The following SPATA1 variants were observed in gnomAD, a reference collection of about 807,000 sequenced individuals.
The protein encoded by SPATA1 is spermatogenesis associated 1, also known as spermatogenesis-associated protein 1.
Under a neutral mutation model 59.6 loss-of-function variants are expected in SPATA1, and 57 were observed. The observed-to-expected ratio is 0.96, with a 90% confidence interval of 0.77 to 1.19. The LOEUF (loss-of-function observed/expected upper bound fraction) is 1.19, where lower values mean the gene tolerates loss of function less well. SPATA1 is among the 50% of genes most tolerant of loss of function. SPATA1 has a pLI of 0.00. For missense variants in SPATA1, 448 were observed against 480.7 expected (o/e 0.93, Z 0.64); for synonymous variants, 147 against 163.9 (o/e 0.90, Z 0.79).
exon 13 of SPATA1, chr1:84,553,255 G>A: frequency 9.5e-6 from 5 of 525,506 alleles, no homozygotes; most frequent in South Asian, 3.2e-5. Flanking sequence ...TTTCCATGTG[G>A]GTATTACAAA....
intron 4 of SPATA1, among the ~76,000 whole-genome samples, chr1:84,565,224 CA>C (rs1216222410): frequency 6.7e-6 from 1 of 150,358 alleles, no homozygotes; most frequent in Non-Finnish European, 1.5e-5. Context: ...AAAAAAAAAA[CA>C]AAAGAACAAG....
chr1:84,530,643 C>A (rs1246931454), intron 6 of SPATA1, among the ~76,000 whole-genome samples: 1 of 152,176 alleles, frequency 6.6e-6, no homozygotes, highest in Non-Finnish European at 1.5e-5. Flanking sequence ...CAAGAAACTT[C>A]TCAGGATTGG....
At position 84,522,401 on chromosome 1, in the gene SPATA1, AACTT is replaced by A. The variant is rs754804703; in HGVS notation, c.160_163del (p.Thr54TyrfsTer4). The A allele has an allele frequency of 8.7e-6, 13 of 1,492,496 alleles. No homozygotes were observed. The highest frequency in any genetic ancestry group is 1.4e-5 in the South Asian group (1 of 70,584). The allele number at this position is 1,492,496 out of a possible 1,614,324, so 92.5% of individuals were successfully genotyped here. A position where few individuals can be genotyped will look rare whatever the true frequency, so the allele number is the denominator to read the frequency against. On this transcript the variant is annotated frameshift_variant, in exon 4 of 13. Transcript: ENST00000490879. LOFTEE classifies it high-confidence loss of function. Reference sequence around the variant, plus strand: ...TTATAATATTTCAGAGTATCTCCTCAACTTACTTTACGAGCCCTGAGGGAGCGTC... The same window carrying A: ...TTATAATATTTCAGAGTATCTCCTCAACTTTACGAGCCCTGAGGGAGCGTC...
intron 8 of SPATA1, among the ~76,000 whole-genome samples, chr1:84,534,244 T>C (rs1330734080): frequency 6.6e-6 from 1 of 152,068 alleles, no homozygotes; most frequent in East Asian, 1.9e-4. Flanking sequence ...ACTATTCACA[T>C]TACCAGTTTA....
At chr1:84,513,584 C>CAA (rs1162674204) in intron 1 of SPATA1, among the ~76,000 whole-genome samples, 1 of 152,208 alleles carries the variant, frequency 6.6e-6, no homozygotes, top group African/African-American at 2.4e-5. Flanking sequence ...CAGAAACTGT[C>CAA]ACGCTAATAG....
intron 6 of SPATA1, among the ~76,000 whole-genome samples, chr1:84,530,223 AG>A (rs1200473283): frequency 1.3e-5 from 2 of 152,164 alleles, no homozygotes; most frequent in African/African-American, 2.4e-5. Flanking sequence ...CTTCAAATCC[AG>A]GGCTACAGTG....
intron 4 of SPATA1, chr1:84,563,699 GATA>G: frequency 8.0e-7 from 1 of 1,253,774 alleles, no homozygotes; most frequent in East Asian, 2.5e-5. Flanking sequence ...AAATATAATA[GATA>G]ATAAAAATTA....
At chr1:84,536,403 C>T (rs1683681776) in intron 8 of SPATA1, among the ~76,000 whole-genome samples, 1 of 152,088 alleles carries the variant, frequency 6.6e-6, no homozygotes, top group South Asian at 2.1e-4. Flanking sequence ...GCAAGAAATC[C>T]GAAGACTTGG....
chr1:84,554,232 G>A (rs1188244974), exon 13 of SPATA1: 2 of 149,224 alleles, frequency 1.3e-5, no homozygotes, highest in Admixed American at 1.3e-4. Context: ...ATAATTAGAA[G>A]TGTGACAGTG....
intron 4 of SPATA1, among the ~76,000 whole-genome samples, chr1:84,561,406 C>T (rs1007655886): frequency 4.6e-5 from 7 of 152,106 alleles, no homozygotes; most frequent in African/African-American, 7.2e-5. Context: ...CTTATGAATA[C>T]GCAAAGAAAG....
chr1:84,555,434 T>TA (rs746041000), downstream of SPATA1, among the ~76,000 whole-genome samples: 16 of 152,224 alleles, frequency 1.1e-4, no homozygotes, highest in Non-Finnish European at 1.6e-4. Context: ...TGGTTCAACT[T>TA]ACAATTTTTA....
chr1:84,528,581 C>T (rs1423938745), intron 6 of SPATA1, among the ~76,000 whole-genome samples: 15 of 152,156 alleles, frequency 9.9e-5, no homozygotes, highest in Admixed American at 9.8e-4. Flanking sequence ...TATACTCACA[C>T]AATTTATTTA....
downstream of SPATA1, among the ~76,000 whole-genome samples, chr1:84,566,946 A>G (rs1684712208): frequency 1.3e-5 from 2 of 152,202 alleles, no homozygotes; most frequent in South Asian, 4.1e-4. Flanking sequence ...TTCATTTTGA[A>G]TAGTGAGCCA....
chr1:84,545,607 G>T, intron 9 of SPATA1, 27 bp from the exon 10 acceptor site: 1 of 1,486,716 alleles, frequency 6.7e-7, no homozygotes, highest in Non-Finnish European at 8.9e-7. Flanking sequence ...TTGAGACATT[G>T]ATGAATATGA....
rs978875564 is a variant in SPATA1, at chr1:84,544,397, A to G, written c.820+93A>G. 5 of 950,914 alleles carry G rather than the reference A, an allele frequency of 5.3e-6. No homozygotes were observed. In the African/African-American group the frequency reaches 8.2e-5, roughly 16 times the overall value. The allele number at this position is 950,914 out of a possible 1,614,324, so 58.9% of individuals were successfully genotyped here. A position where few individuals can be genotyped will look rare whatever the true frequency, so the allele number is the denominator to read the frequency against. ...TACTGTTTAATGGGTATAGAGTTTC[A>G]GTTTGAGAAGATAAATAAGTTCTGG... is the stretch of plus-strand genomic sequence containing the variant. On this transcript the variant is annotated intron_variant, in intron 9 of 12. Transcript: ENST00000490879.
At chr1:84,508,139 C>T (rs1400379954) in intron 1 of SPATA1, among the ~76,000 whole-genome samples, 1 of 151,962 alleles carries the variant, frequency 6.6e-6, no homozygotes. Context: ...ATTAGCTGGG[C>T]GTGGTGGTGC....
intron 8 of SPATA1, among the ~76,000 whole-genome samples, chr1:84,538,542 C>T (rs1683793824): frequency 6.6e-6 from 1 of 152,156 alleles, no homozygotes; most frequent in African/African-American, 2.4e-5. Context: ...AGAGAAATTT[C>T]AGGGAGCTCC....
chr1:84,564,280 A>C (rs76372694), intron 4 of SPATA1, among the ~76,000 whole-genome samples: 8,222 of 152,270 alleles, frequency 0.054, 310 homozygotes, highest in Non-Finnish European at 0.077. Flanking sequence ...TTCTGTAAGT[A>C]AGCTGGGGAT....
rs78934000 is a variant in SPATA1 at position 84,561,442 on chromosome 1, C to T, written n.443-4419C>T. On this transcript the variant is annotated intron_variant and non_coding_transcript_variant, in intron 4 of 4. Coordinates refer to the SPATA1 transcript ENST00000460286. ...TAGTTTCTTGAGAATGGAATCTATT[C>T]CTGGTAAAATGCTGTGAACATTGTT... Among the ~76,000 whole-genome samples, 1,235 of 152,244 alleles carry T rather than the reference C, an allele frequency of 8.1e-3. 55 individuals carry two copies. The East Asian group carries it at 0.13, about 16-fold the overall frequency.
Sources: gnomAD v4.1 joint callset for allele counts (sites outside exome capture counted in the v4.1 genomes callset) on GRCh38, gnomAD v4.1.1 for gene constraint, MANE v1.5 for transcripts, NCBI Gene and HGNC (gene_info 2026-07-23, HGNC 2026-07-21) for gene names.